The following YEATS2 variants were observed in gnomAD, a reference collection of about 807,000 sequenced individuals.
The protein encoded by YEATS2 is YEATS domain-containing protein 2.
YEATS2 carries 77 observed loss-of-function variants against 163.2 expected under a neutral mutation model. That is an observed-to-expected ratio of 0.47 (90% CI 0.39 to 0.57). YEATS2 has a LOEUF of 0.57. Among genes scored for constraint, YEATS2 ranks in the 20% least tolerant of loss-of-function variants. The pLI is 0.00. For missense variants in YEATS2, 1,549 were observed against 1,729.8 expected (o/e 0.90, Z 1.85); for synonymous variants, 631 against 645.1 (o/e 0.98, Z 0.33).
At chr3:183,698,491 G>A (rs1015997916) in intron 1 of YEATS2, among the ~76,000 whole-genome samples, 5 of 152,204 alleles carry the variant, frequency 3.3e-5, no homozygotes, top group Non-Finnish European at 7.3e-5. Context: ...CGGGCAGTGC[G>A]GGGCGGAGTG....
chr3:183,778,361 C>A (rs377190108), intron 19 of YEATS2, among the ~76,000 whole-genome samples: 1 of 152,094 alleles, frequency 6.6e-6, no homozygotes, highest in African/African-American at 2.4e-5. Flanking sequence ...AAGAAAAAAA[C>A]GCATATTTCT....
chr3:183,789,410 A>G (rs1724371054), intron 20 of YEATS2, among the ~76,000 whole-genome samples: 1 of 151,168 alleles, frequency 6.6e-6, no homozygotes, highest in Non-Finnish European at 1.5e-5. Flanking sequence ...TTTTCTTTTG[A>G]TGTCACATCT....
At position 183,798,906 on chromosome 3, in the gene YEATS2, C is replaced by G. The variant is rs1407468652; in HGVS notation, c.3242C>G (p.Ser1081Cys). ...MPVNKVVQSF[S>C]TSKPPAILPV... Reference sequence around the variant, plus strand: ...TTCCCTTTAGTGGTTCAGTCATTTTCTACCAGCAAGCCACCTGCCATTCTG... The same window carrying G: ...TTCCCTTTAGTGGTTCAGTCATTTTGTACCAGCAAGCCACCTGCCATTCTG... Residue 1081 changes from serine (S) to cysteine (C), a missense_variant, in exon 23 of 31, where the codon TCT becomes TGT. Physicochemically the swap from Ser to Cys is moderately radical, Grantham distance 112. Coordinates refer to ENST00000305135, the MANE Select transcript of YEATS2 (RefSeq NM_018023.5). 1 of 1,613,728 alleles carries G rather than the reference C, an allele frequency of 6.2e-7. No homozygotes were observed. Among genetic ancestry groups the G allele is most frequent in the Non-Finnish European group, 8.5e-7 (1 of 1,179,818 alleles).
chr3:183,800,936 C>T (rs942654707), intron 24 of YEATS2: 2 of 191,140 alleles, frequency 1.0e-5, no homozygotes, highest in African/African-American at 2.4e-5. Context: ...CCTGCCTCAT[C>T]TTAGCTGCCT....
At chr3:183,767,384 T>TC (rs1365624935) in intron 15 of YEATS2, among the ~76,000 whole-genome samples, 2 of 121,760 alleles carry the variant, frequency 1.6e-5, no homozygotes, top group Non-Finnish European at 3.7e-5. Flanking sequence ...CACGCCCAGC[T>TC]AATTTTTTTT....
rs939631280 is a variant in YEATS2, at chr3:183,762,256, T to C, written c.1924T>C (p.Ser642Pro). The C allele has an allele frequency of 1.9e-6, 3 of 1,604,750 alleles. No individual in the cohort carries two copies. The African/African-American group carries it at 4.0e-5, about 21-fold the overall frequency. The change falls in exon 15 of 31, where the codon TCA (serine) becomes CCA (proline). Residue 642 changes from serine (S) to proline (P), a missense_variant. Ser to Pro is a moderately conservative substitution (Grantham distance 74). Coordinates refer to ENST00000305135, the MANE Select transcript of YEATS2 (RefSeq NM_018023.5). ...AACTCCTGGAGAAGGGATTGCCCAGTCAGCAAAGGTTCAGCCCTCCAAGGT... is the reference window on the plus strand; with the variant it reads ...AACTCCTGGAGAAGGGATTGCCCAGCCAGCAAAGGTTCAGCCCTCCAAGGT... Reference protein sequence around the residue: ...VITPGEGIAQSAKVQPSKVVG... With the variant: ...VITPGEGIAQPAKVQPSKVVG...
At position 183,712,187 on chromosome 3, in the gene YEATS2, C is replaced by CTTTTATTTTATTTTATTTTATTTTA. The variant is rs58510341; in HGVS notation, c.-19-2942_-19-2918dup. ...TATTTTTGAGTTAGCATTTTATGTTCTTTTATTTTATTTTATTTTATTTTA... is the reference window on the plus strand; with the variant it reads ...TATTTTTGAGTTAGCATTTTATGTTCTTTTATTTTATTTTATTTTATTTTATTTTATTTTATTTTATTTTATTTTA... On this transcript the variant is annotated intron_variant, in intron 1 of 30. Transcript: ENST00000305135. Among the ~76,000 whole-genome samples, 193 of 113,460 alleles carry CTTTTATTTTATTTTATTTTATTTTA rather than the reference C, an allele frequency of 1.7e-3. 11 individuals are homozygous for CTTTTATTTTATTTTATTTTATTTTA. The highest frequency in any genetic ancestry group is 5.9e-3 in the African/African-American group (174 of 29,606). The allele number at this position is 113,460 out of a possible 152,430, so 74.4% of individuals were successfully genotyped here. A position where few individuals can be genotyped will look rare whatever the true frequency, so the allele number is the denominator to read the frequency against.
At chr3:183,714,595 T>C (rs1715637489) in intron 1 of YEATS2, among the ~76,000 whole-genome samples, 3 of 152,158 alleles carry the variant, frequency 2.0e-5, no homozygotes, top group Non-Finnish European at 4.4e-5. Flanking sequence ...TATAAGTCTA[T>C]AGATTTGTGT....
At chr3:183,806,654 C>G (rs1287693516) in intron 27 of YEATS2, 4 of 579,704 alleles carry the variant, frequency 6.9e-6, no homozygotes, top group South Asian at 4.0e-5. Context: ...AGTTACCTTA[C>G]ATAGATCACA....
chr3:183,759,300 A>T (rs577501801), intron 13 of YEATS2, among the ~76,000 whole-genome samples: 1 of 152,334 alleles, frequency 6.6e-6, no homozygotes, highest in Non-Finnish European at 1.5e-5. Flanking sequence ...TCTACTCCAG[A>T]CTTTACTACC....
chr3:183,737,378 G>A (rs1017846610), intron 8 of YEATS2, among the ~76,000 whole-genome samples: 2 of 152,198 alleles, frequency 1.3e-5, no homozygotes, highest in African/African-American at 4.8e-5. Context: ...CTATTTCTGA[G>A]TATGTTTATG....
intron 19 of YEATS2, among the ~76,000 whole-genome samples, chr3:183,778,901 G>C (rs1443492433): frequency 1.3e-5 from 2 of 152,028 alleles, no homozygotes. Flanking sequence ...TTAAACTACA[G>C]TTTCAGTTTA....
chr3:183,705,924 C>T (rs935226542), intron 1 of YEATS2, among the ~76,000 whole-genome samples: 17 of 151,802 alleles, frequency 1.1e-4, no homozygotes, highest in African/African-American at 2.9e-4. Context: ...CCTGTAGTCC[C>T]AGCTACTCGG....
chr3:183,733,479 G>C (rs1303411207), intron 7 of YEATS2, among the ~76,000 whole-genome samples: 1 of 152,124 alleles, frequency 6.6e-6, no homozygotes, highest in East Asian at 1.9e-4. Flanking sequence ...TTTTAGAACT[G>C]AACCTAAAAC....
In YEATS2 at chr3:183,810,680, C is replaced by G. The variant is rs1398813591; in HGVS notation, c.*97C>G. The G allele has an allele frequency of 2.4e-5, 27 of 1,138,950 alleles. No homozygotes were observed. The highest frequency in any genetic ancestry group is 3.2e-5 in the Non-Finnish European group (25 of 774,954). 70.6% of individuals were successfully genotyped at this position (1,138,950 alleles called of 1,614,324 possible). A position where few individuals can be genotyped will look rare whatever the true frequency, so the allele number is the denominator to read the frequency against. ...GGGAAGGAGGTGGTTTCCAGTGTGA[C>G]TCGGCATGTCATGGCTACCCAACCT... On this transcript the variant is annotated 3_prime_UTR_variant, in exon 31 of 31. Transcript: ENST00000305135.
intron 11 of YEATS2, among the ~76,000 whole-genome samples, chr3:183,755,372 C>T (rs1720614580): frequency 6.6e-6 from 1 of 152,176 alleles, no homozygotes; most frequent in Non-Finnish European, 1.5e-5. Context: ...CTACCTTGGC[C>T]TCCCAAAGTG....
At chr3:183,746,616 A>G (rs1175241647) in intron 8 of YEATS2, among the ~76,000 whole-genome samples, 4 of 150,104 alleles carry the variant, frequency 2.7e-5, no homozygotes, top group East Asian at 2.0e-4. Flanking sequence ...TATTATTTCT[A>G]TGCTCTGGAG....
chr3:183,714,608 A>G (rs1463584747), intron 1 of YEATS2, among the ~76,000 whole-genome samples: 2 of 152,098 alleles, frequency 1.3e-5, no homozygotes, highest in Admixed American at 6.5e-5. Context: ...ATTTGTGTTT[A>G]TTGTAATAAT....
chr3:183,776,134 CTG>C lies in YEATS2; in HGVS notation c.2577+13_2577+14del. On this transcript the variant is annotated intron_variant, in intron 18 of 30. Coordinates refer to ENST00000305135, the MANE Select transcript of YEATS2 (RefSeq NM_018023.5). Reference sequence around the variant, plus strand: ...AAGCAAACTCCCCAGGTCTGGTTCTCTGTAACTGATATTTTAAATCATTTAGC... The same window carrying C: ...AAGCAAACTCCCCAGGTCTGGTTCTCTAACTGATATTTTAAATCATTTAGC... The C allele has an allele frequency of 6.5e-7, 1 of 1,539,560 alleles. No homozygotes were observed. Among genetic ancestry groups the C allele is most frequent in the Non-Finnish European group, 8.7e-7 (1 of 1,146,468 alleles).
Sources: gnomAD v4.1 joint callset for allele counts (sites outside exome capture counted in the v4.1 genomes callset) on GRCh38, gnomAD v4.1.1 for gene constraint, MANE v1.5 for transcripts, NCBI Gene and HGNC (gene_info 2026-07-23, HGNC 2026-07-21) for gene names.